GK: variants seen among roughly 807,000 people sequenced by gnomAD.
GK encodes glycerol kinase, also known as ATP:glycerol 3-phosphotransferase.
Under a neutral mutation model 56.4 loss-of-function variants are expected in GK, and 9 were observed. The ratio of observed to expected loss-of-function variants is 0.16; its 90% CI spans 0.10 to 0.28. The LOEUF is 0.28. Ranked by LOEUF, GK falls within the 10% of genes least tolerant of loss-of-function variation. GK has a pLI of 1.00. For missense variants in GK, 161 were observed against 431.4 expected (o/e 0.37, Z 5.55); for synonymous variants, 104 against 144.1 (o/e 0.72, Z 1.99).
chrX:30,675,009 C>A (rs1464808808), intron 3 of GK, among the ~76,000 whole-genome samples: 2 of 111,030 alleles, frequency 1.8e-5, no homozygotes, highest in Non-Finnish European at 3.8e-5. Flanking sequence ...GACTTTAAAC[C>A]ATGCCATGTT....
At chrX:30,668,492 G>A (rs1156975056) in intron 3 of GK, among the ~76,000 whole-genome samples, 1 of 111,560 alleles carries the variant, frequency 9.0e-6, no homozygotes, top group African/African-American at 3.3e-5. Flanking sequence ...CCATGCCAGT[G>A]TCTAGAAGAG....
intron 4 of GK, among the ~76,000 whole-genome samples, chrX:30,690,583 A>T (rs1321119821): frequency 8.9e-6 from 1 of 111,803 alleles, no homozygotes; most frequent in East Asian, 2.8e-4. Context: ...CGGGTCTAGC[A>T]TACTTGGAAA....
chrX:30,679,445 C>T (rs1455517391), intron 4 of GK, among the ~76,000 whole-genome samples: 2 of 110,893 alleles, frequency 1.8e-5, no homozygotes, highest in African/African-American at 6.6e-5. Flanking sequence ...CTCAAACTCC[C>T]GACCTCAGGT....
intron 5 of GK, among the ~76,000 whole-genome samples, chrX:30,691,845 T>A (rs1350867316): frequency 9.0e-6 from 1 of 110,691 alleles, no homozygotes; most frequent in Non-Finnish European, 1.9e-5. Flanking sequence ...TTTTTAAGCA[T>A]CTGGATTCAG....
At chrX:30,708,176 C>G (rs1936121140) in intron 13 of GK, 42 bp downstream of exon 13, 1 of 687,312 alleles carries the variant, frequency 1.5e-6, no homozygotes, top group Middle Eastern at 3.1e-4. Flanking sequence ...GACAAACATT[C>G]AAAGCTAATA....
At position 30,726,286 on chromosome X, in the gene GK, A is replaced by AT. The variant is rs771679752; in HGVS notation, c.1583-1162dup. Among the ~76,000 whole-genome samples the AT allele has an allele frequency of 5.6e-3, 511 of 91,861 alleles. 3 individuals are homozygous for AT. The highest frequency in any genetic ancestry group is 0.012 in the African/African-American group (313 of 25,723). 79.8% of individuals were successfully genotyped at this position (91,861 alleles called of 115,157 possible). ...GCTGCAGTGGATTTAAGCCAGTTTG[A>AT]TTTTTTTTTTTTTTTTTTGAGATGG... On this transcript the variant is annotated intron_variant, in intron 19 of 20. Coordinates refer to ENST00000427190, the MANE Select transcript of GK (RefSeq NM_001205019.2).
At chrX:30,662,738 C>CTTTCT (rs1932800243) in intron 1 of GK, among the ~76,000 whole-genome samples, 1 of 73,900 alleles carries the variant, frequency 1.4e-5, no homozygotes, top group Admixed American at 1.7e-4. Context: ...TCTTTCTTTC[C>CTTTCT]TTCTTTCTTT....
chrX:30,706,065 C>T lies in GK; in HGVS notation c.852-1491C>T, dbSNP rs148227727. 1.4e-3 allele frequency among the ~76,000 whole-genome samples: 156 copies of T among 111,696 alleles called. 1 individual carries two copies. The highest frequency in any genetic ancestry group is 4.6e-3 in the African/African-American group (143 of 30,799). On this transcript the variant is annotated intron_variant, in intron 11 of 20. Coordinates refer to ENST00000427190, the MANE Select transcript of GK (RefSeq NM_001205019.2). ...GCTTTTTCAGTGTGCGGCAATAAAACGGTATAGTGATTTTGTGTTTTAGTT... is the reference window on the plus strand; with the variant it reads ...GCTTTTTCAGTGTGCGGCAATAAAATGGTATAGTGATTTTGTGTTTTAGTT...
At chrX:30,678,197 G>A (rs773358728) in intron 4 of GK, 3 of 400,581 alleles carry the variant, frequency 7.5e-6, no homozygotes, top group East Asian at 4.0e-5. Flanking sequence ...TAGAATATTC[G>A]AATTTTAGCT....
intron 13 of GK, among the ~76,000 whole-genome samples, chrX:30,712,720 T>TC (rs1936396851): frequency 1.5e-5 from 1 of 67,996 alleles, no homozygotes; most frequent in Non-Finnish European, 2.9e-5. Flanking sequence ...TTCTTTTCTT[T>TC]TTTTTTTTTT....
At chrX:30,721,056 G>T in intron 18 of GK, 61 bp downstream of exon 18, 1 of 1,087,823 alleles carries the variant, frequency 9.2e-7, no homozygotes. Flanking sequence ...GTGCACGGGA[G>T]TTTTGTTTTT....
intron 4 of GK, among the ~76,000 whole-genome samples, chrX:30,684,970 T>C (rs1934510460): frequency 8.9e-6 from 1 of 111,736 alleles, no homozygotes. Context: ...ATTAAACCTA[T>C]GTGATCATGA....
intron 4 of GK, among the ~76,000 whole-genome samples, chrX:30,679,214 T>G (rs1251407438): frequency 1.8e-5 from 2 of 108,209 alleles, no homozygotes; most frequent in African/African-American, 6.7e-5. Flanking sequence ...CCAGTTAAAT[T>G]CTGAGCTTTT....
rs59708571 is a variant in GK, at chrX:30,665,613, C to T, written c.152+29C>T. 2.3e-3 allele frequency: 2,021 copies of T among 875,556 alleles called. 37 individuals carry two copies. In the African/African-American group the frequency reaches 0.035, roughly 15 times the overall value. 72.2% of individuals were successfully genotyped at this position (875,556 alleles called of 1,213,427 possible). On this transcript the variant is annotated intron_variant, in intron 2 of 20. Transcript: ENST00000427190. ...TGTTTCCTAATTTAATATGTAAAGA[C>T]ACATTATGTTTGTTAGTCCATCTCA... is the stretch of plus-strand genomic sequence containing the variant.
intron 1 of GK, among the ~76,000 whole-genome samples, chrX:30,656,585 C>T (rs1932296988): frequency 9.0e-6 from 1 of 111,466 alleles, no homozygotes; most frequent in Non-Finnish European, 1.9e-5. Flanking sequence ...CTTCCTCAAA[C>T]CGTTATTCAG....
chrX:30,675,198 A>ATT (rs769468628), intron 3 of GK, among the ~76,000 whole-genome samples: 3 of 100,999 alleles, frequency 3.0e-5, no homozygotes, highest in South Asian at 4.3e-4. Flanking sequence ...ACAAAAAATG[A>ATT]TTTTTTTTTT....
chrX:30,660,907 G>T (rs1932713900), intron 1 of GK, among the ~76,000 whole-genome samples: 1 of 107,026 alleles, frequency 9.3e-6, no homozygotes, highest in Non-Finnish European at 1.9e-5. Flanking sequence ...CCGCCTCCTG[G>T]GTTCAATCGA....
At chrX:30,724,016 A>G (rs1387166153) in intron 18 of GK, 85 bp from the exon 19 acceptor site, 1 of 598,604 alleles carries the variant, frequency 1.7e-6, no homozygotes, top group Non-Finnish European at 2.8e-6. Flanking sequence ...ATTTGTCAAG[A>G]ATGTTGAGTG....
At chrX:30,661,841 C>G (rs1932767733) in intron 1 of GK, among the ~76,000 whole-genome samples, 1 of 112,539 alleles carries the variant, frequency 8.9e-6, no homozygotes. Flanking sequence ...GATACAGCCA[C>G]TGCTATCTTT....
Sources: gnomAD v4.1 joint callset for allele counts (sites outside exome capture counted in the v4.1 genomes callset) on GRCh38, gnomAD v4.1.1 for gene constraint, MANE v1.5 for transcripts, NCBI Gene and HGNC (gene_info 2026-07-23, HGNC 2026-07-21) for gene names.